Variants in NKAIN2 observed in about 807,000 individuals in gnomAD.
The protein encoded by NKAIN2 is sodium/potassium-transporting ATPase subunit beta-1-interacting protein 2.
Under a neutral mutation model 32.6 loss-of-function variants are expected in NKAIN2, and 14 were observed. The observed-to-expected ratio is 0.43, with a 90% CI of 0.28 to 0.67. The LOEUF is 0.67. Among genes scored for constraint, NKAIN2 ranks in the 30% least tolerant of loss-of-function variants. The probability of loss-of-function intolerance (pLI) is 0.17; values close to 1 mark genes in which losing one functional copy is unlikely to be tolerated. For missense variants in NKAIN2, 198 were observed against 258.3 expected (o/e 0.77, Z 1.60); for synonymous variants, 80 against 87.2 (o/e 0.92, Z 0.46).
In NKAIN2 at chr6:124,102,088, C is replaced by A. The variant is rs117569132; in HGVS notation, c.55-180917C>A. On this transcript the variant is annotated intron_variant, in intron 1 of 6. Coordinates refer to ENST00000368417, the MANE Select transcript of NKAIN2 (RefSeq NM_001040214.3). ...CGAACTTCAAGGAACTGGCATGGGC[C>A]AGGTAAAGTCACCTGAGAGGAGGGT... is the stretch of plus-strand genomic sequence containing the variant. Among the ~76,000 whole-genome samples the A allele has an allele frequency of 7.0e-3, 1,067 of 152,284 alleles. 7 individuals are homozygous for A. Among genetic ancestry groups the A allele is most frequent in the Non-Finnish European group, 0.01 (704 of 68,030 alleles).
chr6:124,574,484 A>C (rs1254723117), intron 3 of NKAIN2, among the ~76,000 whole-genome samples: 1 of 151,938 alleles, frequency 6.6e-6, no homozygotes, highest in Admixed American at 6.6e-5. Context: ...TGGGCATAGT[A>C]GTGCATGGCT....
chr6:124,541,737 T>C (rs968120307), intron 3 of NKAIN2, among the ~76,000 whole-genome samples: 6 of 152,146 alleles, frequency 3.9e-5, no homozygotes, highest in African/African-American at 1.2e-4. Context: ...CAGTTAGCAG[T>C]TGTTTAAATC....
chr6:124,246,661 GC>G (rs1374959768), intron 1 of NKAIN2, among the ~76,000 whole-genome samples: 2 of 152,028 alleles, frequency 1.3e-5, no homozygotes, highest in African/African-American at 4.8e-5. Context: ...AGACTTTACA[GC>G]CTAACACCAC....
At chr6:124,512,536 T>C (rs1778752731) in intron 3 of NKAIN2, among the ~76,000 whole-genome samples, 1 of 151,964 alleles carries the variant, frequency 6.6e-6, no homozygotes, top group Non-Finnish European at 1.5e-5. Context: ...TGAAGAAAAT[T>C]AAAATAGCTC....
chr6:124,578,861 A>G (rs661952), intron 3 of NKAIN2, among the ~76,000 whole-genome samples: 149,435 of 152,162 alleles, frequency 0.98, 73,452 homozygotes, highest in East Asian at 1. Context: ...TCAGCGCAGA[A>G]AGAGACAGAA....
intron 1 of NKAIN2, among the ~76,000 whole-genome samples, chr6:123,836,833 T>C (rs1387722965): frequency 6.6e-6 from 1 of 152,112 alleles, no homozygotes; most frequent in Admixed American, 6.6e-5. Context: ...AACCTTTTTG[T>C]AAATCTAAAA....
intron 1 of NKAIN2, among the ~76,000 whole-genome samples, chr6:124,028,228 C>A (rs1360028548): frequency 2.6e-5 from 4 of 151,970 alleles, no homozygotes. Flanking sequence ...TCTCTGAATG[C>A]CAGTAACAAT....
chr6:124,645,348 A>G (rs949715443), intron 3 of NKAIN2, among the ~76,000 whole-genome samples: 12 of 152,306 alleles, frequency 7.9e-5, no homozygotes, highest in African/African-American at 1.7e-4. Flanking sequence ...GCCTCTTCCA[A>G]TGGTCTCCAC....
chr6:124,776,548 T>C (rs1778992087), intron 4 of NKAIN2, among the ~76,000 whole-genome samples: 1 of 152,134 alleles, frequency 6.6e-6, no homozygotes, highest in African/African-American at 2.4e-5. Context: ...TATGTGTATG[T>C]GTTTGGGAGG....
At chr6:124,281,149 C>T (rs1422744277) in intron 1 of NKAIN2, among the ~76,000 whole-genome samples, 2 of 152,102 alleles carry the variant, frequency 1.3e-5, no homozygotes, top group Non-Finnish European at 2.9e-5. Flanking sequence ...TACGTTTGCC[C>T]TGCTGTGTCC....
rs201598563 is a variant in NKAIN2 at position 123,883,635 on chromosome 6, CT to C, written c.54+79387del. On this transcript the variant is annotated intron_variant, in intron 1 of 6. Transcript: ENST00000368417. ...TCAGAACCACTAGCCAATTAAACCTCTTTTTTAAAAAAAAATTTTTTTTAAA... is the reference window on the plus strand; with the variant it reads ...TCAGAACCACTAGCCAATTAAACCTCTTTTTAAAAAAAAATTTTTTTTAAA... 2.2e-3 allele frequency among the ~76,000 whole-genome samples: 261 copies of C among 120,616 alleles called. 2 individuals are homozygous for C. The highest frequency in any genetic ancestry group is 6.6e-3 in the African/African-American group (230 of 34,756). The allele number at this position is 120,616 out of a possible 152,430, so 79.1% of individuals were successfully genotyped here.
chr6:124,186,993 T>G (rs1474197423), intron 1 of NKAIN2, among the ~76,000 whole-genome samples: 1 of 152,146 alleles, frequency 6.6e-6, no homozygotes, highest in African/African-American at 2.4e-5. Flanking sequence ...TTACTTAAAC[T>G]GAACTCTATA....
chr6:124,703,142 A>G (rs1001195242), intron 4 of NKAIN2, among the ~76,000 whole-genome samples: 2 of 152,072 alleles, frequency 1.3e-5, no homozygotes, highest in African/African-American at 2.4e-5. Context: ...TTACAAATGT[A>G]TTGTCACCAA....
intron 3 of NKAIN2, among the ~76,000 whole-genome samples, chr6:124,634,890 C>T (rs993782939): frequency 1.3e-5 from 2 of 151,270 alleles, no homozygotes; most frequent in Non-Finnish European, 2.9e-5. Flanking sequence ...CCCCTTCAGA[C>T]TAACAGGAGA....
intron 1 of NKAIN2, among the ~76,000 whole-genome samples, chr6:124,173,116 C>T (rs1237860491): frequency 6.6e-6 from 1 of 152,040 alleles, no homozygotes; most frequent in East Asian, 1.9e-4. Flanking sequence ...TGGTAATCTA[C>T]TCCTGAATAA....
chr6:124,514,283 A>T (rs1359012651), intron 3 of NKAIN2, among the ~76,000 whole-genome samples: 1 of 152,142 alleles, frequency 6.6e-6, no homozygotes, highest in East Asian at 1.9e-4. Flanking sequence ...TTTGAGATTC[A>T]CTGGAGATCC....
At chr6:124,036,433 T>C (rs1466411840) in intron 1 of NKAIN2, among the ~76,000 whole-genome samples, 4 of 152,112 alleles carry the variant, frequency 2.6e-5, no homozygotes, top group Non-Finnish European at 4.4e-5. Flanking sequence ...TTCCTTATGG[T>C]CTAGTCAAAA....
At chr6:124,545,198 A>G (rs1024597031) in intron 3 of NKAIN2, among the ~76,000 whole-genome samples, 2 of 152,194 alleles carry the variant, frequency 1.3e-5, no homozygotes, top group Non-Finnish European at 2.9e-5. Flanking sequence ...TGCCCTGAAA[A>G]TAGCTTAATT....
intron 1 of NKAIN2, among the ~76,000 whole-genome samples, chr6:124,112,246 G>C (rs895159487): frequency 6.6e-6 from 1 of 152,026 alleles, no homozygotes; most frequent in Non-Finnish European, 1.5e-5. Flanking sequence ...AGGCAGGTCC[G>C]GTGTTGATGA....
Sources: gnomAD v4.1 joint callset for allele counts (sites outside exome capture counted in the v4.1 genomes callset) on GRCh38, gnomAD v4.1.1 for gene constraint, MANE v1.5 for transcripts, NCBI Gene and HGNC (gene_info 2026-07-23, HGNC 2026-07-21) for gene names.